B3GALT1: variants seen among roughly 807,000 people sequenced by gnomAD.
B3GALT1 encodes the protein UDP-Gal:betaGlcNAc beta 1,3-galactosyltransferase, polypeptide 1.
B3GALT1 carries 10 observed loss-of-function variants against 23.2 expected under a neutral mutation model. The ratio of observed to expected loss-of-function variants is 0.43; its 90% confidence interval spans 0.27 to 0.73. The LOEUF (loss-of-function observed/expected upper bound fraction) is 0.73. Ranked by LOEUF, B3GALT1 falls within the 30% of genes least tolerant of loss-of-function variation. B3GALT1 has a pLI of 0.21. For missense variants in B3GALT1, 299 were observed against 405.4 expected (o/e 0.74, Z 2.25); for synonymous variants, 156 against 141.5 (o/e 1.10, Z -0.73).
chr2:167,298,671 T>C (rs1696395486), intron 1 of B3GALT1, among the ~76,000 whole-genome samples: 1 of 152,102 alleles, frequency 6.6e-6, no homozygotes, highest in Non-Finnish European at 1.5e-5. Flanking sequence ...ATAGGATTTC[T>C]TATTTCCCTC....
At chr2:167,676,397 C>T (rs1686426359) in intron 3 of B3GALT1, among the ~76,000 whole-genome samples, 1 of 151,922 alleles carries the variant, frequency 6.6e-6, no homozygotes. Flanking sequence ...TAAAGGCTTT[C>T]AGAGCTAAAG....
intron 2 of B3GALT1, among the ~76,000 whole-genome samples, chr2:167,633,644 A>G (rs1406145708): frequency 6.6e-6 from 1 of 152,086 alleles, no homozygotes; most frequent in Non-Finnish European, 1.5e-5. Context: ...AACTATCCTA[A>G]ATATATATGC....
Position 167,572,376 on chromosome 2 carries a change from G to A in B3GALT1, c.-409-74533G>A, listed in dbSNP as rs192249682. On this transcript the variant is annotated intron_variant, in intron 2 of 4. Transcript: ENST00000392690. ...CAAACCTCCACTTTTTAAAGTTATC[G>A]ACATTTTCAGCTTTATGGGAAAACT... is the stretch of plus-strand genomic sequence containing the variant. Among the ~76,000 whole-genome samples, 54 of 151,780 alleles carry A rather than the reference G, an allele frequency of 3.6e-4. No individual in the cohort carries two copies. The East Asian group carries it at 8.3e-3, about 23-fold the overall frequency.
intron 1 of B3GALT1, among the ~76,000 whole-genome samples, chr2:167,384,716 G>T (rs544792812): frequency 2.6e-5 from 4 of 152,122 alleles, no homozygotes; most frequent in African/African-American, 9.6e-5. Context: ...TATTGCCATA[G>T]CGTTTGCTCA....
chr2:167,563,112 C>T (rs1055934568), intron 2 of B3GALT1, among the ~76,000 whole-genome samples: 2 of 152,222 alleles, frequency 1.3e-5, no homozygotes, highest in African/African-American at 4.8e-5. Context: ...CCCCCCCTTC[C>T]ATTCCACAAA....
At chr2:167,786,359 C>T (rs1283575325) in intron 3 of B3GALT1, among the ~76,000 whole-genome samples, 1 of 152,164 alleles carries the variant, frequency 6.6e-6, no homozygotes, top group Non-Finnish European at 1.5e-5. Context: ...AACTATATAG[C>T]ATCATTTGAT....
chr2:167,743,576 A>G (rs139030792), intron 3 of B3GALT1, among the ~76,000 whole-genome samples: 1 of 152,126 alleles, frequency 6.6e-6, no homozygotes, highest in East Asian at 1.9e-4. Context: ...GTAGTTATAG[A>G]ACTATTTCAC....
chr2:167,465,070 T>G (rs993138751), intron 1 of B3GALT1, among the ~76,000 whole-genome samples: 1 of 152,210 alleles, frequency 6.6e-6, no homozygotes, highest in Admixed American at 6.5e-5. Flanking sequence ...ATTTTAATCC[T>G]TTGTATGAAA....
chr2:167,854,038 A>G (rs1482666017), intron 4 of B3GALT1, among the ~76,000 whole-genome samples: 5 of 152,204 alleles, frequency 3.3e-5, no homozygotes, highest in Non-Finnish European at 7.4e-5. Flanking sequence ...AATGCTAAGT[A>G]GCATTTTCCA....
intron 3 of B3GALT1, among the ~76,000 whole-genome samples, chr2:167,755,364 G>A (rs533152470): frequency 5.9e-5 from 9 of 151,634 alleles, no homozygotes; most frequent in Non-Finnish European, 1.3e-4. Context: ...ACGATTGGTT[G>A]ATGTTGCATT....
chr2:167,792,103 G>A (rs1255626714), intron 3 of B3GALT1, among the ~76,000 whole-genome samples: 1 of 151,776 alleles, frequency 6.6e-6, no homozygotes, highest in African/African-American at 2.4e-5. Context: ...CCTCTCTGAC[G>A]GGATCCTGGT....
At chr2:167,529,066 C>G (rs1423962467) in intron 2 of B3GALT1, among the ~76,000 whole-genome samples, 1 of 152,132 alleles carries the variant, frequency 6.6e-6, no homozygotes, top group African/African-American at 2.4e-5. Flanking sequence ...TCTCCCATCT[C>G]ACTGAAACTC....
intron 4 of B3GALT1, among the ~76,000 whole-genome samples, chr2:167,835,136 T>A (rs1689431722): frequency 6.6e-6 from 1 of 152,150 alleles, no homozygotes; most frequent in South Asian, 2.1e-4. Context: ...CATTTCCATC[T>A]GAGGTACCGG....
intron 2 of B3GALT1, among the ~76,000 whole-genome samples, chr2:167,632,702 T>C (rs1248898640): frequency 1.3e-5 from 2 of 152,124 alleles, no homozygotes; most frequent in Admixed American, 1.3e-4. Context: ...ATTAGCCCTT[T>C]GTGAGATGGA....
intron 2 of B3GALT1, among the ~76,000 whole-genome samples, chr2:167,555,439 T>A (rs1015943341): frequency 1.3e-5 from 2 of 152,156 alleles, no homozygotes; most frequent in African/African-American, 2.4e-5. Context: ...AAAGTAAAAT[T>A]CAATCTTTTA....
chr2:167,301,599 G>A (rs1393285802), intron 1 of B3GALT1, among the ~76,000 whole-genome samples: 2 of 152,166 alleles, frequency 1.3e-5, no homozygotes, highest in African/African-American at 4.8e-5. Flanking sequence ...CATCCAGGCT[G>A]GAGTGCAATG....
intron 3 of B3GALT1, among the ~76,000 whole-genome samples, chr2:167,786,537 T>C (rs1428926107): frequency 1.3e-5 from 2 of 152,232 alleles, no homozygotes; most frequent in Admixed American, 6.5e-5. Context: ...ATGATTTTAG[T>C]AAGTTAAATG....
Position 167,869,102 on chromosome 2 carries a change from G to C in B3GALT1, c.63G>C (p.Trp21Cys). The C allele has an allele frequency of 1.9e-6, 3 of 1,614,090 alleles. No homozygotes were observed. The highest frequency in any genetic ancestry group is 2.5e-6 in the Non-Finnish European group (3 of 1,180,008). ...LTVVCWASAL[W>C]YLSITRPTSS... ...TTGTGTGCTGGGCCAGCGCTCTCTGGTACTTGAGTATAACTCGCCCTACTT... is the reference window on the plus strand; with the variant it reads ...TTGTGTGCTGGGCCAGCGCTCTCTGCTACTTGAGTATAACTCGCCCTACTT... Residue 21 changes from tryptophan (W) to cysteine (C), a missense_variant, in exon 5 of 5, where the codon TGG becomes TGC. Physicochemically the swap from Trp to Cys is radical, Grantham distance 215 (BLOSUM62 -2). Coordinates refer to ENST00000392690, the MANE Select transcript of B3GALT1 (RefSeq NM_020981.4). The surrounding 1 kb of genome is among the most constrained non-coding windows in gnomAD (Gnocchi z 6.4).
chr2:167,741,688 ACTAT>A (rs1165375262), intron 3 of B3GALT1, among the ~76,000 whole-genome samples: 1 of 152,124 alleles, frequency 6.6e-6, no homozygotes. Flanking sequence ...TTGTTAAATA[ACTAT>A]CTATAAATCA....
Sources: allele counts gnomAD v4.1 joint callset (sites outside exome capture counted in the v4.1 genomes callset), GRCh38; gene constraint gnomAD v4.1.1; non-coding constraint Gnocchi (gnomAD v3.1); transcripts MANE v1.5; gene names NCBI Gene and HGNC (gene_info 2026-07-23, HGNC 2026-07-21).